The following DLGAP1 variants were observed in gnomAD, a reference collection of about 807,000 sequenced individuals.
The protein encoded by DLGAP1 is DLG associated protein 1.
A neutral mutation model predicts 90.8 loss-of-function variants in DLGAP1; 11 were observed. The ratio of observed to expected loss-of-function variants is 0.12; its 90% CI spans 0.08 to 0.20. DLGAP1 has a LOEUF of 0.20. Ranked by LOEUF, DLGAP1 falls within the 10% of genes least tolerant of loss-of-function variation. The pLI, the probability that DLGAP1 is intolerant of heterozygous loss-of-function variation, is 1.00. For missense variants in DLGAP1, 1,050 were observed against 1,333.8 expected (o/e 0.79, Z 3.31); for synonymous variants, 558 against 540.7 (o/e 1.03, Z -0.44).
intron 5 of DLGAP1, among the ~76,000 whole-genome samples, chr18:3,783,213 G>C (rs1010169184): frequency 1.3e-5 from 2 of 152,154 alleles, no homozygotes; most frequent in South Asian, 4.2e-4. Context: ...GAAGAAAAAG[G>C]GTACAGCCAC....
At chr18:4,216,533 C>T (rs2077960512) in intron 1 of DLGAP1, among the ~76,000 whole-genome samples, 2 of 152,132 alleles carry the variant, frequency 1.3e-5, no homozygotes, top group Non-Finnish European at 2.9e-5. Flanking sequence ...GACACATTCA[C>T]ATCACTTTGC....
chr18:4,261,727 G>A (rs2079006754), intron 1 of DLGAP1, among the ~76,000 whole-genome samples: 1 of 152,086 alleles, frequency 6.6e-6, no homozygotes, highest in South Asian at 2.1e-4. Context: ...ATCTGATAGT[G>A]GCTGTGAAAA....
At chr18:4,322,914 T>G (rs1382527051) in intron 1 of DLGAP1, among the ~76,000 whole-genome samples, 1 of 136,024 alleles carries the variant, frequency 7.4e-6, no homozygotes, top group Non-Finnish European at 1.5e-5. Flanking sequence ...TAAGCTGAGT[T>G]TGTGCCACTG....
intron 8 of DLGAP1, among the ~76,000 whole-genome samples, chr18:3,575,064 T>C (rs890262306): frequency 3.9e-5 from 6 of 152,270 alleles, no homozygotes; most frequent in Admixed American, 2.6e-4. Flanking sequence ...TCTGCCCACC[T>C]AGGCCTCCCA....
At chr18:3,947,580 ATGCTCAGTGACTTCT>A (rs2148959091) in intron 3 of DLGAP1, among the ~76,000 whole-genome samples, 1 of 152,352 alleles carries the variant, frequency 6.6e-6, no homozygotes, top group African/African-American at 2.4e-5. Flanking sequence ...GTTAAAGGAA[ATGCTCAGTGACTTCT>A]GTAAGACGTT....
At chr18:4,152,687 G>A (rs1158376875) in intron 1 of DLGAP1, among the ~76,000 whole-genome samples, 1 of 152,172 alleles carries the variant, frequency 6.6e-6, no homozygotes, top group African/African-American at 2.4e-5. Context: ...CCTCAGGCAT[G>A]ATAATAATAC....
At chr18:3,901,253 T>G (rs1224939257) in intron 3 of DLGAP1, among the ~76,000 whole-genome samples, 1 of 152,178 alleles carries the variant, frequency 6.6e-6, no homozygotes, top group Non-Finnish European at 1.5e-5. Context: ...CCTTCAAAAT[T>G]TAACTGCTCC....
At chr18:4,386,819 T>A (rs2082238764) in intron 1 of DLGAP1, among the ~76,000 whole-genome samples, 1 of 152,024 alleles carries the variant, frequency 6.6e-6, no homozygotes. Context: ...TAGGGCTATG[T>A]TTAGAATGGA....
chr18:4,225,865 A>C (rs1243619488), intron 1 of DLGAP1, among the ~76,000 whole-genome samples: 2 of 152,156 alleles, frequency 1.3e-5, no homozygotes, highest in Non-Finnish European at 2.9e-5. Context: ...AGAGAGAGAG[A>C]GATAGAGGTA....
chr18:3,530,252 T>C (rs532167282), intron 10 of DLGAP1, among the ~76,000 whole-genome samples: 5 of 152,020 alleles, frequency 3.3e-5, no homozygotes, highest in African/African-American at 4.8e-5. Flanking sequence ...TAAAATTTTT[T>C]AAAAATTAGC....
chr18:4,396,065 A>T (rs528576586), intron 1 of DLGAP1, among the ~76,000 whole-genome samples: 1 of 152,344 alleles, frequency 6.6e-6, no homozygotes, highest in Non-Finnish European at 1.5e-5. Context: ...GGGCACAGGG[A>T]AAGCTAGAGT....
chr18:3,763,436 A>G (rs748920148), intron 5 of DLGAP1, among the ~76,000 whole-genome samples: 1 of 152,134 alleles, frequency 6.6e-6, no homozygotes, highest in African/African-American at 2.4e-5. Flanking sequence ...CCTTGTGATC[A>G]CATGAGTCAA....
chr18:4,124,323 C>T (rs1339676355), intron 2 of DLGAP1, among the ~76,000 whole-genome samples: 1 of 152,164 alleles, frequency 6.6e-6, no homozygotes, highest in Non-Finnish European at 1.5e-5. Context: ...ATGAATATTA[C>T]CAGAATTTAA....
chr18:3,858,501 T>C (rs2069804749), intron 4 of DLGAP1, among the ~76,000 whole-genome samples: 4 of 149,198 alleles, frequency 2.7e-5, no homozygotes, highest in South Asian at 2.1e-4. Flanking sequence ...CGTGTATATA[T>C]ACATATATAT....
chr18:3,845,050 T>G (rs2068932524), intron 4 of DLGAP1, among the ~76,000 whole-genome samples: 1 of 152,134 alleles, frequency 6.6e-6, no homozygotes, highest in African/African-American at 2.4e-5. Context: ...AGCAACCAAA[T>G]CAGAGGAAAA....
chr18:4,105,956 C>T (rs1482078402), intron 2 of DLGAP1, among the ~76,000 whole-genome samples: 4 of 136,686 alleles, frequency 2.9e-5, no homozygotes, highest in Non-Finnish European at 6.1e-5. Context: ...GGCGTGAACC[C>T]GGGAGGCGGA....
At chr18:3,682,157 A>T (rs989781298) in intron 7 of DLGAP1, among the ~76,000 whole-genome samples, 2 of 151,686 alleles carry the variant, frequency 1.3e-5, no homozygotes, top group South Asian at 4.2e-4. Context: ...TAACGAACGA[A>T]CTAACTAATT....
At chr18:4,352,949 T>C (rs1334353405) in intron 1 of DLGAP1, among the ~76,000 whole-genome samples, 1 of 152,150 alleles carries the variant, frequency 6.6e-6, no homozygotes, top group Non-Finnish European at 1.5e-5. Context: ...ATCATCCACC[T>C]GGATTACAGA....
chr18:4,216,300 C>A lies in DLGAP1; in HGVS notation c.-266-65013G>T, dbSNP rs1344336178. ...CTCTCGTGATTAAATTACCCCCCCCCCACCAGGTCCCTCCCATGACACATG... is the reference window on the plus strand; with the variant it reads ...CTCTCGTGATTAAATTACCCCCCCCACACCAGGTCCCTCCCATGACACATG... On this transcript the variant is annotated intron_variant, in intron 1 of 12. Transcript: ENST00000315677. Among the ~76,000 whole-genome samples, 8 of 152,050 alleles carry A rather than the reference C, an allele frequency of 5.3e-5. No homozygotes were observed. In the East Asian group the frequency reaches 1.4e-3, roughly 26 times the overall value.
Sources: allele counts gnomAD v4.1 joint callset (sites outside exome capture counted in the v4.1 genomes callset), GRCh38; gene constraint gnomAD v4.1.1; transcripts MANE v1.5; gene names NCBI Gene and HGNC (gene_info 2026-07-23, HGNC 2026-07-21).